PARD3: variants seen among roughly 807,000 people sequenced by gnomAD.
The protein encoded by PARD3 is partitioning defective 3 homolog.
A neutral mutation model predicts 155.4 loss-of-function variants in PARD3; 75 were observed. The ratio of observed to expected loss-of-function variants is 0.48; its 90% CI spans 0.40 to 0.58. PARD3 has a LOEUF of 0.58. PARD3 is among the 20% of genes least tolerant of loss of function. The pLI is 0.00. For synonymous variants in PARD3, 576 were observed against 610.5 expected (o/e 0.94, Z 0.83); for missense variants, 1,642 against 1,721.7 (o/e 0.95, Z 0.82).
chr10:34,636,069 G>GGAAGGAAGGAAGAAGGAA (rs2092459671), intron 2 of PARD3, among the ~76,000 whole-genome samples: 2 of 151,606 alleles, frequency 1.3e-5, no homozygotes, highest in African/African-American at 4.9e-5. Context: ...GAAGGAAGAA[G>GGAAGGAAGGAAGAAGGAA]GAAGGAAGGA....
At chr10:34,142,073 A>G (rs1328083016) in intron 22 of PARD3, among the ~76,000 whole-genome samples, 1 of 152,196 alleles carries the variant, frequency 6.6e-6, no homozygotes, top group Non-Finnish European at 1.5e-5. Flanking sequence ...TTAAACCTCA[A>G]AGATGGTGGA....
Position 34,163,630 on chromosome 10 carries a change from T to G in PARD3, c.3420-32047A>C, listed in dbSNP as rs377011650. Among the ~76,000 whole-genome samples, 43 of 152,342 alleles carry G rather than the reference T, an allele frequency of 2.8e-4. No homozygotes were observed. The East Asian group carries it at 6.8e-3, about 24-fold the overall frequency. ...ATATTTTTGGCCTTGTGGGTCAGTC[T>G]GTTGCAACTACTCAACTCTGCCATC... On this transcript the variant is annotated intron_variant, in intron 22 of 24. Coordinates refer to ENST00000374788, the MANE Select transcript of PARD3 (RefSeq NM_001184785.2).
intron 5 of PARD3, among the ~76,000 whole-genome samples, chr10:34,420,187 T>C (rs772733117): frequency 1.3e-5 from 2 of 152,240 alleles, no homozygotes; most frequent in Non-Finnish European, 1.5e-5. Flanking sequence ...TTTTAATAGC[T>C]GCAGAGTATC....
At chr10:34,668,366 C>T (rs1290957821) in intron 2 of PARD3, among the ~76,000 whole-genome samples, 2 of 152,196 alleles carry the variant, frequency 1.3e-5, no homozygotes, top group Non-Finnish European at 2.9e-5. Context: ...TGTGGGTGCT[C>T]TCTACCTGAT....
At chr10:34,148,799 C>A (rs1428386863) in intron 22 of PARD3, among the ~76,000 whole-genome samples, 1 of 152,168 alleles carries the variant, frequency 6.6e-6, no homozygotes, top group African/African-American at 2.4e-5. Context: ...GGAGACCCCA[C>A]AATCCCTTTT....
At chr10:34,233,409 CTT>C (rs1274941363) in intron 22 of PARD3, among the ~76,000 whole-genome samples, 2 of 152,014 alleles carry the variant, frequency 1.3e-5, no homozygotes, top group Non-Finnish European at 2.9e-5. Flanking sequence ...CCTTCTCTCT[CTT>C]CCATTCTCTC....
At chr10:34,309,548 C>CAAAAAAAAAAAAAAAAAAAA (rs1173904388) in intron 20 of PARD3, among the ~76,000 whole-genome samples, 2 of 64,032 alleles carry the variant, frequency 3.1e-5, no homozygotes, top group Non-Finnish European at 5.6e-5. Context: ...ACCCTGTCTC[C>CAAAAAAAAAAAAAAAAAAAA]AAAAAAAAAA....
intron 20 of PARD3, among the ~76,000 whole-genome samples, chr10:34,299,506 C>A (rs1957054578): frequency 6.6e-6 from 1 of 152,172 alleles, no homozygotes; most frequent in South Asian, 2.1e-4. Flanking sequence ...GAGGTCTTTT[C>A]CCTTTGCTGA....
rs375036530 is a variant in PARD3 at position 34,325,530 on chromosome 10, CA to C, written c.2833+5586del. 1.2e-3 allele frequency among the ~76,000 whole-genome samples: 179 copies of C among 151,982 alleles called. 1 individual carries two copies. The highest frequency in any genetic ancestry group is 4.1e-3 in the African/African-American group (171 of 41,302). The stretch of plus-strand genomic sequence containing the variant: ...CATCAGCTGGGCACCCCTACACCAC[CA>C]CCCCCTCCCCAGTGTCACACTAACT... On this transcript the variant is annotated intron_variant, in intron 19 of 24. Coordinates refer to ENST00000374788, the MANE Select transcript of PARD3 (RefSeq NM_001184785.2).
intron 2 of PARD3, among the ~76,000 whole-genome samples, chr10:34,639,993 AAAAG>A (rs2092618504): frequency 6.6e-6 from 1 of 152,250 alleles, no homozygotes; most frequent in Non-Finnish European, 1.5e-5. Context: ...AAACATAGAT[AAAAG>A]ACAGACATGC....
At chr10:34,765,570 C>G (rs1353742562) in intron 1 of PARD3, among the ~76,000 whole-genome samples, 2 of 151,682 alleles carry the variant, frequency 1.3e-5, no homozygotes, top group Admixed American at 6.6e-5. Context: ...CCCAGCTACT[C>G]GGGAGGCTGA....
At chr10:34,122,098 A>G (rs1437780898) in intron 23 of PARD3, among the ~76,000 whole-genome samples, 3 of 152,224 alleles carry the variant, frequency 2.0e-5, no homozygotes, top group Non-Finnish European at 4.4e-5. Context: ...CATTTCCTTT[A>G]CACCCTCAAA....
At chr10:34,533,346 C>T (rs1422922225) in intron 2 of PARD3, among the ~76,000 whole-genome samples, 2 of 152,088 alleles carry the variant, frequency 1.3e-5, no homozygotes, top group African/African-American at 4.8e-5. Context: ...ACCTGGATTG[C>T]GGGATCATCC....
chr10:34,320,594 C>G (rs1958312159), intron 19 of PARD3, among the ~76,000 whole-genome samples: 2 of 152,200 alleles, frequency 1.3e-5, no homozygotes, highest in African/African-American at 4.8e-5. Flanking sequence ...TCACAACTCA[C>G]TATATGCTGA....
intron 20 of PARD3, among the ~76,000 whole-genome samples, chr10:34,309,547 CCAAAAA>C: frequency 2.1e-5 from 1 of 46,648 alleles, no homozygotes; most frequent in Admixed American, 3.0e-4. Flanking sequence ...GACCCTGTCT[CCAAAAA>C]AAAAAAAAAA....
intron 20 of PARD3, chr10:34,312,416 G>GT: frequency 6.2e-7 from 1 of 1,609,866 alleles, no homozygotes; most frequent in Non-Finnish European, 8.5e-7. Context: ...CACACAGTTA[G>GT]TACAGGTGAG....
intron 3 of PARD3, among the ~76,000 whole-genome samples, chr10:34,508,601 A>G (rs2081222585): frequency 6.6e-6 from 1 of 152,208 alleles, no homozygotes; most frequent in African/African-American, 2.4e-5. Context: ...CCTTGGACTC[A>G]ATGATTTGCA....
intron 22 of PARD3, among the ~76,000 whole-genome samples, chr10:34,184,502 GC>G (rs978567137): frequency 6.6e-6 from 1 of 152,150 alleles, no homozygotes; most frequent in African/African-American, 2.4e-5. Flanking sequence ...AGATCCACAA[GC>G]CGGGGGGTAT....
At chr10:34,384,431 A>G (rs1842145731) in intron 7 of PARD3, among the ~76,000 whole-genome samples, 177 bp from the exon 8 acceptor site, 1 of 152,252 alleles carries the variant, frequency 6.6e-6, no homozygotes, top group Non-Finnish European at 1.5e-5. Context: ...AATGACATGT[A>G]AAAATGCATC....
Sources: gnomAD v4.1 joint callset for allele counts (sites outside exome capture counted in the v4.1 genomes callset) on GRCh38, gnomAD v4.1.1 for gene constraint, MANE v1.5 for transcripts, NCBI Gene and HGNC (gene_info 2026-07-23, HGNC 2026-07-21) for gene names.